The following SERINC5 variants were observed in gnomAD, a reference collection of about 807,000 sequenced individuals.
The protein encoded by SERINC5 is chromosome 5 open reading frame 12.
A neutral mutation model predicts 63.1 loss-of-function variants in SERINC5; 41 were observed. The ratio of observed to expected loss-of-function variants is 0.65; its 90% CI spans 0.51 to 0.84. The LOEUF (loss-of-function observed/expected upper bound fraction) is 0.84, where lower values mean the gene tolerates loss of function less well. Ranked by LOEUF, SERINC5 falls within the 40% of genes least tolerant of loss-of-function variation. The pLI is 0.00. For missense variants in SERINC5, 523 were observed against 573.0 expected, an observed-to-expected ratio of 0.91 and a Z score of 0.89; for synonymous variants, 222 against 215.2, an observed-to-expected ratio of 1.03 and a Z score of -0.28.
intron 11 of SERINC5, among the ~76,000 whole-genome samples, chr5:80,133,622 T>C (rs183601620): frequency 7.9e-5 from 12 of 152,284 alleles, no homozygotes; most frequent in Middle Eastern, 3.4e-3. Context: ...AAAATCAAAA[T>C]AAAACTTGGA....
chr5:80,177,295 C>A lies in SERINC5; in HGVS notation c.457+20G>T. The A allele has an allele frequency of 6.4e-7, 1 of 1,568,140 alleles. No homozygotes were observed. Among genetic ancestry groups the A allele is most frequent in the East Asian group, 2.3e-5 (1 of 44,310 alleles). ...GGGTAAAAACAAAATAAACAGATAC[C>A]CAAAATACCCCATTAGTACCGTTCA... On this transcript the variant is annotated intron_variant, in intron 4 of 11. Coordinates refer to ENST00000507668, the MANE Select transcript of SERINC5 (RefSeq NM_001174072.3).
intron 11 of SERINC5, among the ~76,000 whole-genome samples, chr5:80,133,629 T>G (rs998850142): frequency 2.0e-5 from 3 of 152,220 alleles, no homozygotes; most frequent in African/African-American, 7.2e-5. Flanking sequence ...AAATAAAACT[T>G]GGAGGCAAAG....
At chr5:80,247,019 C>T (rs550247817) in intron 1 of SERINC5, among the ~76,000 whole-genome samples, 1 of 152,286 alleles carries the variant, frequency 6.6e-6, no homozygotes, top group South Asian at 2.1e-4. Context: ...AACAATGCGG[C>T]TTGACTCAGA....
At chr5:80,115,421 C>A (rs998867974) in intron 11 of SERINC5, among the ~76,000 whole-genome samples, 5 of 152,020 alleles carry the variant, frequency 3.3e-5, no homozygotes, top group Non-Finnish European at 5.9e-5. Flanking sequence ...TATGAACCCA[C>A]CAACTATTAA....
intron 1 of SERINC5, among the ~76,000 whole-genome samples, chr5:80,207,463 T>C (rs549417868): frequency 6.6e-5 from 10 of 152,312 alleles, no homozygotes; most frequent in African/African-American, 2.4e-4. Flanking sequence ...AATAAACAGA[T>C]ACAAACATCA....
chr5:80,117,545 G>T lies in SERINC5; in HGVS notation c.1239-3920C>A, dbSNP rs142664466. 1.0e-3 allele frequency among the ~76,000 whole-genome samples: 156 copies of T among 150,332 alleles called. 3 individuals carry two copies. Among genetic ancestry groups the T allele is most frequent in the African/African-American group, 3.7e-3 (151 of 40,640 alleles). On this transcript the variant is annotated intron_variant, in intron 11 of 12. Coordinates refer to the SERINC5 transcript ENST00000509193. Reference sequence around the variant, plus strand: ...TGACATTCAGCTTTTCTTACCATCTGTCAGCATGCCACACTCCTTCAGCCT... The same window carrying T: ...TGACATTCAGCTTTTCTTACCATCTTTCAGCATGCCACACTCCTTCAGCCT...
rs1388692905 is a variant in SERINC5 at position 80,127,367 on chromosome 5, A to C, written c.1239-13742T>G. ...TTCTACTATGTTCGTTCTCTCTTCC[A>C]TGAAACCAGCAATATCCCAAATACA... On this transcript the variant is annotated intron_variant, in intron 11 of 12. Coordinates refer to the SERINC5 transcript ENST00000509193. Among the ~76,000 whole-genome samples, 3 of 152,234 alleles carry C rather than the reference A, an allele frequency of 2.0e-5. No homozygotes were observed. The East Asian group carries it at 5.8e-4, about 29-fold the overall frequency.
intron 1 of SERINC5, among the ~76,000 whole-genome samples, chr5:80,243,367 G>C (rs956986997): frequency 2.0e-5 from 3 of 151,964 alleles, no homozygotes. Flanking sequence ...CACTAATATT[G>C]TTAAAGGGGA....
At chr5:80,151,432 G>A (rs539411095) in intron 8 of SERINC5, among the ~76,000 whole-genome samples, 104 of 152,300 alleles carry the variant, frequency 6.8e-4, no homozygotes, top group African/African-American at 2.3e-3. Context: ...AGTAGCAGTC[G>A]AGGTAATAAA....
chr5:80,144,250 C>T (rs1006902632), intron 11 of SERINC5, among the ~76,000 whole-genome samples: 3 of 152,198 alleles, frequency 2.0e-5, no homozygotes, highest in African/African-American at 4.8e-5. Flanking sequence ...TTTAGGCAGT[C>T]ACCAGCTGAT....
chr5:80,174,400 A>AATC (rs1747882209), intron 5 of SERINC5, among the ~76,000 whole-genome samples: 1 of 144,046 alleles, frequency 6.9e-6, no homozygotes, highest in Non-Finnish European at 1.5e-5. Flanking sequence ...TAATAATAAT[A>AATC]ATAAAAGAAA....
At chr5:80,199,731 T>C (rs1231162946) in intron 2 of SERINC5, among the ~76,000 whole-genome samples, 2 of 152,284 alleles carry the variant, frequency 1.3e-5, no homozygotes, top group East Asian at 1.9e-4. Context: ...TGTTTAGTAA[T>C]AGATTTTGTT....
chr5:80,143,227 C>T lies in SERINC5; in HGVS notation c.*436G>A, dbSNP rs751735863. 10 of 990,546 alleles carry T rather than the reference C, an allele frequency of 1.0e-5. No homozygotes were observed. The highest frequency in any genetic ancestry group is 2.2e-4 in the East Asian group (2 of 8,976). 61.4% of individuals were successfully genotyped at this position (990,546 alleles called of 1,614,324 possible). A position where few individuals can be genotyped will look rare whatever the true frequency, so the allele number is the denominator to read the frequency against. ...CCCCTGGGGACAAGGCTCTAAGAGG[C>T]GGAAGTGAGTGAGAGGGGTCTGGAT... On this transcript the variant is annotated 3_prime_UTR_variant, in exon 12 of 12. Coordinates refer to ENST00000507668, the MANE Select transcript of SERINC5 (RefSeq NM_001174072.3).
Position 80,139,743 on chromosome 5 carries a change from T to C in SERINC5, c.*3920A>G, listed in dbSNP as rs1745388701. On this transcript the variant is annotated 3_prime_UTR_variant, in exon 12 of 12. Transcript: ENST00000507668. The stretch of plus-strand genomic sequence containing the variant: ...TTACAGGAAATAGCCTTCAGTAAAT[T>C]CCACAAGCCAAGTGGCTACTGCATT... 1.0e-6 allele frequency: 1 copy of C among 985,336 alleles called. No homozygotes were observed. The highest frequency in any genetic ancestry group is 6.1e-5 in the Admixed American group (1 of 16,264). 61.0% of individuals were successfully genotyped at this position (985,336 alleles called of 1,614,324 possible). A position where few individuals can be genotyped will look rare whatever the true frequency, so the allele number is the denominator to read the frequency against.
At chr5:80,186,758 A>G (rs1417134369) in intron 2 of SERINC5, among the ~76,000 whole-genome samples, 1 of 152,214 alleles carries the variant, frequency 6.6e-6, no homozygotes, top group African/African-American at 2.4e-5. Flanking sequence ...CCCAGATGCT[A>G]CAAACATAGA....
intron 1 of SERINC5, among the ~76,000 whole-genome samples, chr5:80,241,988 A>T (rs1160381113): frequency 6.6e-6 from 1 of 151,568 alleles, no homozygotes; most frequent in Admixed American, 6.6e-5. Flanking sequence ...AAAAAAATCC[A>T]TGTCAGGTGA....
chr5:80,241,076 T>G (rs1751918496), intron 1 of SERINC5, among the ~76,000 whole-genome samples: 1 of 152,236 alleles, frequency 6.6e-6, no homozygotes, highest in Non-Finnish European at 1.5e-5. Context: ...TAAATTGATC[T>G]GCCTACCTAG....
At chr5:80,182,544 G>GCC (rs766981697) in intron 2 of SERINC5, among the ~76,000 whole-genome samples, 24 of 29,476 alleles carry the variant, frequency 8.1e-4, no homozygotes, top group African/African-American at 1.1e-3. Flanking sequence ...TCATCTGACC[G>GCC]CCCCCCCCCC....
intron 1 of SERINC5, among the ~76,000 whole-genome samples, chr5:80,228,618 G>C (rs1233228335): frequency 1.3e-5 from 2 of 152,010 alleles, no homozygotes; most frequent in Non-Finnish European, 2.9e-5. Context: ...ACCATGCCCT[G>C]CTAGTTTTTT....
Sources: allele counts gnomAD v4.1 joint callset (sites outside exome capture counted in the v4.1 genomes callset), GRCh38; gene constraint gnomAD v4.1.1; transcripts MANE v1.5; gene names NCBI Gene and HGNC (gene_info 2026-07-23, HGNC 2026-07-21).